Variants in SLAMF7 observed in about 807,000 individuals in gnomAD.
SLAMF7 encodes SLAM family member 7.
SLAMF7 carries 26 observed loss-of-function variants against 34.1 expected under a neutral mutation model. The ratio of observed to expected loss-of-function variants is 0.76; its 90% confidence interval spans 0.56 to 1.06. The LOEUF is 1.06. Ranked by LOEUF, SLAMF7 falls within the 50% of genes least tolerant of loss-of-function variation. The pLI, the probability that SLAMF7 is intolerant of heterozygous loss-of-function variation, is 0.00. For synonymous variants in SLAMF7, 171 were observed against 156.4 expected (o/e 1.09, Z -0.70); for missense variants, 399 against 402.5 (o/e 0.99, Z 0.07).
chr1:160,750,897 T>G (rs930941457), intron 4 of SLAMF7: 1 of 233,924 alleles, frequency 4.3e-6, no homozygotes, highest in African/African-American at 2.3e-5. Context: ...ACTAGACACA[T>G]GGCTCCTGGG....
At chr1:160,746,118 A>G (rs774895820) in intron 1 of SLAMF7, among the ~76,000 whole-genome samples, 5 of 152,238 alleles carry the variant, frequency 3.3e-5, no homozygotes, top group Non-Finnish European at 7.3e-5. Flanking sequence ...CACAGGGCCA[A>G]TTACACACAG....
At chr1:160,743,293 T>A (rs1474038714) in intron 1 of SLAMF7, among the ~76,000 whole-genome samples, 1 of 152,166 alleles carries the variant, frequency 6.6e-6, no homozygotes, top group Non-Finnish European at 1.5e-5. Flanking sequence ...GAATAAGATT[T>A]ACATGAACAG....
chr1:160,751,899 T>TATATATATATATATAC (rs1419485176), intron 5 of SLAMF7: 1 of 130,034 alleles, frequency 7.7e-6, no homozygotes, highest in African/African-American at 3.1e-5. Context: ...TATATATATA[T>TATATATATATATATAC]ATACACACAC....
rs768590286 is a variant in SLAMF7 at position 160,753,153 on chromosome 1, A to G, written c.984A>G (p.Leu328=). The change falls in exon 7 of 7, where the codon CTA becomes CTG. Residue 328 remains leucine, a synonymous_variant. Coordinates refer to ENST00000368043, the MANE Select transcript of SLAMF7 (RefSeq NM_021181.5). ...TCACGATGCCAGACACACCAAGGCT[A>G]TTTGCCTATGAGAATGTTATCTAGA... ...SLLTMPDTPR[L]FAYENVI The G allele has an allele frequency of 1.9e-6, 3 of 1,613,250 alleles. No individual in the cohort carries two copies. The highest frequency in any genetic ancestry group is 2.2e-5 in the South Asian group (2 of 91,072).
Position 160,748,471 on chromosome 1 carries a change from A to C in SLAMF7, c.333A>C (p.Ser111=). ...ACTATGTGGGGATATACAGCTCATCACTCCAGCAGCCCTCCACCCAGGAGT... is the reference window on the plus strand; with the variant it reads ...ACTATGTGGGGATATACAGCTCATCCCTCCAGCAGCCCTCCACCCAGGAGT... ...GIYYVGIYSS[S]LQQPSTQEYV... The change falls in exon 2 of 7, where the codon TCA becomes TCC. Residue 111 remains serine, a synonymous_variant. Coordinates refer to ENST00000368043, the MANE Select transcript of SLAMF7 (RefSeq NM_021181.5). 2.5e-6 allele frequency: 4 copies of C among 1,613,866 alleles called. No homozygotes were observed. The East Asian group carries it at 6.7e-5, about 27-fold the overall frequency.
At chr1:160,746,256 A>G (rs1453333996) in intron 1 of SLAMF7, among the ~76,000 whole-genome samples, 1 of 152,266 alleles carries the variant, frequency 6.6e-6, no homozygotes, top group African/African-American at 2.4e-5. Flanking sequence ...CATTCATTTT[A>G]TACCAACACA....
At chr1:160,746,268 T>C (rs2101665679) in intron 1 of SLAMF7, among the ~76,000 whole-genome samples, 1 of 152,278 alleles carries the variant, frequency 6.6e-6, no homozygotes, top group African/African-American at 2.4e-5. Flanking sequence ...ACCAACACAG[T>C]CATGAAATAT....
chr1:160,751,395 A>C lies in SLAMF7; in HGVS notation c.820A>C (p.Ile274Leu). ...GGACATTTGTCGGGAAACTCCTAAC[A>C]TATGCCCCCATTCTGGAGAGAACAC... ...RVDICRETPN[I>L]CPHSGENTEY... The change falls in exon 5 of 7, where the codon ATA becomes CTA. Residue 274 changes from isoleucine to leucine, a missense_variant. Physicochemically the swap from Ile to Leu is conservative, Grantham distance 5. Coordinates refer to ENST00000368043, the MANE Select transcript of SLAMF7 (RefSeq NM_021181.5). 1 of 1,613,934 alleles carries C rather than the reference A, an allele frequency of 6.2e-7. No homozygotes were observed. Among genetic ancestry groups the C allele is most frequent in the South Asian group, 1.1e-5 (1 of 91,080 alleles).
chr1:160,746,740 C>T (rs751607895), intron 1 of SLAMF7, among the ~76,000 whole-genome samples: 4 of 151,952 alleles, frequency 2.6e-5, no homozygotes, highest in Non-Finnish European at 4.4e-5. Context: ...AAGGATGAGA[C>T]AGCAAAGACT....
chr1:160,741,875 G>A (rs1393096408), intron 1 of SLAMF7, among the ~76,000 whole-genome samples: 2 of 152,178 alleles, frequency 1.3e-5, no homozygotes, highest in African/African-American at 2.4e-5. Context: ...TCTTATCTGT[G>A]AAATGGGATT....
Position 160,750,230 on chromosome 1 carries a change from G to A in SLAMF7, c.650-74G>A, listed in dbSNP as rs995334207. The A allele has an allele frequency of 2.5e-6, 4 of 1,586,862 alleles. No individual in the cohort carries two copies. The African/African-American group carries it at 4.1e-5, about 16-fold the overall frequency. On this transcript the variant is annotated intron_variant, in intron 3 of 6. Coordinates refer to ENST00000368043, the MANE Select transcript of SLAMF7 (RefSeq NM_021181.5). ...TCACCAGGCTGGGAGGAAGGTGGCA[G>A]GTGCTCCAAGACCTGGGTCGTTTTC...
intron 1 of SLAMF7, among the ~76,000 whole-genome samples, chr1:160,740,135 C>T (rs897647299): frequency 6.6e-6 from 1 of 152,072 alleles, no homozygotes; most frequent in Non-Finnish European, 1.5e-5. Context: ...CCCAAGACCA[C>T]GCAGGCAGCT....
chr1:160,741,743 C>T (rs1457830352), intron 1 of SLAMF7, among the ~76,000 whole-genome samples: 7 of 152,226 alleles, frequency 4.6e-5, no homozygotes, highest in Admixed American at 4.6e-4. Context: ...GGCACTGCCA[C>T]AGCCTCCAAA....
chr1:160,750,669 T>C (rs1307284181), intron 4 of SLAMF7: 7 of 383,612 alleles, frequency 1.8e-5, no homozygotes, highest in African/African-American at 1.0e-4. Flanking sequence ...CAGGGCTCAC[T>C]TCTCTCCTTC....
chr1:160,751,909 C>T (rs1285319239), intron 5 of SLAMF7: 151 of 145,332 alleles, frequency 1.0e-3, no homozygotes, highest in African/African-American at 2.1e-3. Flanking sequence ...TATACACACA[C>T]ATATATATAT....
chr1:160,751,082 G>A (rs753392846), intron 4 of SLAMF7: 1 of 436,722 alleles, frequency 2.3e-6, no homozygotes, highest in Non-Finnish European at 4.2e-6. Flanking sequence ...CTCTGAAAGT[G>A]TCTTTGACTT....
At chr1:160,744,337 CCT>C (rs1390388276) in intron 1 of SLAMF7, among the ~76,000 whole-genome samples, 1 of 152,174 alleles carries the variant, frequency 6.6e-6, no homozygotes, top group African/African-American at 2.4e-5. Flanking sequence ...CAACCTTGCC[CCT>C]GTCCTCTGAA....
chr1:160,750,845 A>G (rs1664516595), intron 4 of SLAMF7: 1 of 213,452 alleles, frequency 4.7e-6, no homozygotes, highest in Admixed American at 5.3e-5. Flanking sequence ...AACCACCCAC[A>G]CCCTTTCCAC....
intron 5 of SLAMF7, 40 bp from the exon 6 acceptor site, chr1:160,752,146 T>A (rs757122317): frequency 1.1e-5 from 17 of 1,508,780 alleles, no homozygotes; most frequent in Non-Finnish European, 1.6e-5. Context: ...ATTCAGGAGG[T>A]GGGTGATGAT....
Sources: gnomAD v4.1 joint callset for allele counts (sites outside exome capture counted in the v4.1 genomes callset) on GRCh38, gnomAD v4.1.1 for gene constraint, MANE v1.5 for transcripts, NCBI Gene and HGNC (gene_info 2026-07-23, HGNC 2026-07-21) for gene names.